The following GRIK2 variants were observed in gnomAD, a reference collection of about 807,000 sequenced individuals.
GRIK2 encodes glutamate ionotropic receptor kainate type subunit 2.
A neutral mutation model predicts 100.3 loss-of-function variants in GRIK2; 32 were observed. That is an observed-to-expected ratio of 0.32 (90% confidence interval 0.24 to 0.43). The LOEUF (loss-of-function observed/expected upper bound fraction) is 0.43. GRIK2 is among the 20% of genes least tolerant of loss of function. The probability of loss-of-function intolerance (pLI) is 1.00; values close to 1 mark genes in which losing one functional copy is unlikely to be tolerated. For missense variants in GRIK2, 843 were observed against 1,114.9 expected (o/e 0.76, Z 3.47); for synonymous variants, 417 against 389.4 (o/e 1.07, Z -0.83).
At position 102,026,111 on chromosome 6, in the gene GRIK2, CATATATATATATATATATATAT is replaced by C. The variant is rs6149730; in HGVS notation, c.2086-9207_2086-9186del. Among the ~76,000 whole-genome samples, 392 of 100,184 alleles carry C rather than the reference CATATATATATATATATATATAT, an allele frequency of 3.9e-3. 3 individuals are homozygous for C. Among genetic ancestry groups the C allele is most frequent in the Middle Eastern group, 0.012 (2 of 166 alleles). 65.7% of individuals were successfully genotyped at this position (100,184 alleles called of 152,430 possible). A position where few individuals can be genotyped will look rare whatever the true frequency, so the allele number is the denominator to read the frequency against. ...GTAAAGGCATATACATATACACTTA[CATATATATATATATATATATAT>C]ATATATATATATATATATATATGAA... is the stretch of plus-strand genomic sequence containing the variant. On this transcript the variant is annotated intron_variant, in intron 14 of 16. Transcript: ENST00000369134.
intron 14 of GRIK2, among the ~76,000 whole-genome samples, chr6:101,997,143 A>G (rs963435758): frequency 1.3e-5 from 2 of 152,164 alleles, no homozygotes; most frequent in Admixed American, 6.6e-5. Context: ...ACTAAGGTAA[A>G]GAATAATTAA....
chr6:101,624,913 CTTTTTGTTTGTTTG>C (rs1780359938), intron 3 of GRIK2, among the ~76,000 whole-genome samples: 1 of 151,772 alleles, frequency 6.6e-6, no homozygotes, highest in Non-Finnish European at 1.5e-5. Flanking sequence ...TTTTTTGTTT[CTTTTTGTTTGTTTG>C]TTTTTGTTTT....
At chr6:101,930,370 T>TA (rs1332485326) in intron 14 of GRIK2, among the ~76,000 whole-genome samples, 4 of 150,586 alleles carry the variant, frequency 2.7e-5, no homozygotes, top group African/African-American at 9.8e-5. Context: ...TAAAATAAAA[T>TA]AAATAAGTCG....
intron 2 of GRIK2, among the ~76,000 whole-genome samples, chr6:101,503,222 GATAA>G (rs1773856076): frequency 2.0e-5 from 3 of 152,098 alleles, no homozygotes; most frequent in African/African-American, 7.2e-5. Context: ...TTAGCATAGA[GATAA>G]ATACTTACTG....
Position 101,671,772 on chromosome 6 carries a change from G to A in GRIK2, c.542-4851G>A, listed in dbSNP as rs577243672. On this transcript the variant is annotated intron_variant, in intron 4 of 16. Transcript: ENST00000369134. The stretch of plus-strand genomic sequence containing the variant: ...CCAGCTACTCGGGAGGCTGAGGCAG[G>A]AGAATTGTTTGAACCCAGGAGGCGG... Among the ~76,000 whole-genome samples, 3 of 152,254 alleles carry A rather than the reference G, an allele frequency of 2.0e-5. No individual in the cohort carries two copies. The South Asian group carries it at 6.2e-4, about 32-fold the overall frequency.
chr6:102,021,723 T>TTTAGTCATACATTTTTA (rs1582738279), intron 14 of GRIK2, among the ~76,000 whole-genome samples: 2 of 151,574 alleles, frequency 1.3e-5, no homozygotes, highest in East Asian at 3.9e-4. Flanking sequence ...TTCATCCATA[T>TTTAGTCATACATTTTTA]CTAATTCTCA....
chr6:101,939,273 T>A (rs557515869), intron 14 of GRIK2, among the ~76,000 whole-genome samples: 486 of 152,182 alleles, frequency 3.2e-3, no homozygotes, highest in Non-Finnish European at 5.6e-3. Context: ...GGGTTTCTGC[T>A]TTTTTGAATT....
At chr6:101,904,227 C>G (rs1788070580) in intron 12 of GRIK2, among the ~76,000 whole-genome samples, 1 of 151,464 alleles carries the variant, frequency 6.6e-6, no homozygotes. Flanking sequence ...TGTAACAAGA[C>G]TAAGAATCTA....
intron 7 of GRIK2, among the ~76,000 whole-genome samples, chr6:101,786,723 T>C (rs1001635619): frequency 1.3e-5 from 2 of 152,106 alleles, no homozygotes; most frequent in Non-Finnish European, 2.9e-5. Flanking sequence ...TACATCTATG[T>C]TCACCAGGGA....
At chr6:101,917,370 C>T (rs1789186171) in intron 12 of GRIK2, among the ~76,000 whole-genome samples, 2 of 151,672 alleles carry the variant, frequency 1.3e-5, no homozygotes, top group African/African-American at 4.8e-5. Context: ...GCCTGATCAC[C>T]TATGTTGAAA....
intron 2 of GRIK2, among the ~76,000 whole-genome samples, chr6:101,619,592 A>G (rs1156655932): frequency 6.6e-6 from 1 of 152,050 alleles, no homozygotes; most frequent in African/African-American, 2.4e-5. Flanking sequence ...CGAAAAAAGT[A>G]GAAGATTCAG....
intron 2 of GRIK2, among the ~76,000 whole-genome samples, chr6:101,595,570 G>T (rs1480196444): frequency 4.6e-5 from 7 of 151,256 alleles, no homozygotes; most frequent in African/African-American, 1.7e-4. Flanking sequence ...TAAGAATAGG[G>T]ATTTTATATG....
chr6:101,763,585 A>G (rs1270920118), intron 7 of GRIK2, among the ~76,000 whole-genome samples: 1 of 152,222 alleles, frequency 6.6e-6, no homozygotes, highest in African/African-American at 2.4e-5. Context: ...ATCTCATGCC[A>G]TTAAATAAGT....
chr6:101,530,929 A>AGCATTAGC (rs1221803987), intron 2 of GRIK2, among the ~76,000 whole-genome samples: 1 of 152,002 alleles, frequency 6.6e-6, no homozygotes, highest in Non-Finnish European at 1.5e-5. Flanking sequence ...GAATACTGGT[A>AGCATTAGC]GCATTAGCTT....
chr6:101,852,761 G>A (rs1784209865), intron 10 of GRIK2, among the ~76,000 whole-genome samples: 2 of 152,138 alleles, frequency 1.3e-5, no homozygotes, highest in Admixed American at 6.6e-5. Flanking sequence ...GTACCAGAAA[G>A]CTGTTTCACC....
chr6:101,996,099 C>T (rs1250386433), intron 14 of GRIK2, among the ~76,000 whole-genome samples: 2 of 151,960 alleles, frequency 1.3e-5, no homozygotes, highest in African/African-American at 4.8e-5. Context: ...TGAAGATTCT[C>T]CCACATATAA....
At chr6:101,967,164 AC>A (rs1348461549) in intron 14 of GRIK2, among the ~76,000 whole-genome samples, 1 of 151,912 alleles carries the variant, frequency 6.6e-6, no homozygotes, top group Admixed American at 6.6e-5. Flanking sequence ...AACCTAGTAT[AC>A]AAACTTTCAG....
chr6:101,893,267 T>C (rs1191901564), intron 12 of GRIK2, among the ~76,000 whole-genome samples: 1 of 151,540 alleles, frequency 6.6e-6, no homozygotes, highest in Non-Finnish European at 1.5e-5. Flanking sequence ...ATAACAATTA[T>C]AGATAAAAGA....
chr6:101,805,165 A>G (rs915162872), intron 9 of GRIK2, among the ~76,000 whole-genome samples: 3 of 151,908 alleles, frequency 2.0e-5, no homozygotes, highest in South Asian at 2.1e-4. Flanking sequence ...GATGGAAAAG[A>G]CAGCATCCCT....
Sources: gnomAD v4.1 joint callset for allele counts (sites outside exome capture counted in the v4.1 genomes callset) on GRCh38, gnomAD v4.1.1 for gene constraint, MANE v1.5 for transcripts, NCBI Gene and HGNC (gene_info 2026-07-23, HGNC 2026-07-21) for gene names.